The following TRMT1L variants were observed in gnomAD, a reference collection of about 807,000 sequenced individuals.
TRMT1L encodes tRNA (guanine(27)-N(2))-dimethyltransferase.
Under a neutral mutation model 81.6 loss-of-function variants are expected in TRMT1L, and 28 were observed. That is an observed-to-expected ratio of 0.34 (90% CI 0.25 to 0.47). The LOEUF (loss-of-function observed/expected upper bound fraction) is 0.47, where lower values mean the gene tolerates loss of function less well. TRMT1L is among the 20% of genes least tolerant of loss of function. The probability of loss-of-function intolerance (pLI) is 1.00; values close to 1 mark genes in which losing one functional copy is unlikely to be tolerated. For missense variants in TRMT1L, 739 were observed against 877.1 expected (o/e 0.84, Z 1.99); for synonymous variants, 301 against 303.2 (o/e 0.99, Z 0.07).
chr1:185,155,506 A>T (rs1240698037), intron 1 of TRMT1L, among the ~76,000 whole-genome samples: 3 of 152,246 alleles, frequency 2.0e-5, no homozygotes, highest in Non-Finnish European at 2.9e-5. Context: ...GTTGTTTCAA[A>T]ACTGCAAAAT....
chr1:185,140,000 AG>A lies in TRMT1L; in HGVS notation c.1081del (p.Leu361Ter). 6.8e-6 allele frequency: 11 copies of A among 1,612,478 alleles called. No homozygotes were observed. Among genetic ancestry groups the A allele is most frequent in the Non-Finnish European group, 9.3e-6 (11 of 1,179,204 alleles). On this transcript the variant is annotated frameshift_variant, in exon 8 of 15. Coordinates refer to ENST00000367506, the MANE Select transcript of TRMT1L (RefSeq NM_030934.5). LOFTEE classifies it high-confidence loss of function. ...GAAATCAAAAGATCTCAAATGCATC[AG>A]TACATTGGCATCCATTTTGGTCACC... ...IKVTKMDANVLMHLRSFDFIH... is the reference protein window; with the variant it reads ...IKVTKMDANVXMHLRSFDFIH...
chr1:185,124,136 A>T (rs1319177074), intron 12 of TRMT1L, among the ~76,000 whole-genome samples: 1 of 39,896 alleles, frequency 2.5e-5, no homozygotes, highest in African/African-American at 3.1e-4. Context: ...CAATAGGCTC[A>T]TATCAATAGT....
At chr1:185,154,294 A>T (rs1419864072) in intron 1 of TRMT1L, among the ~76,000 whole-genome samples, 1 of 152,212 alleles carries the variant, frequency 6.6e-6, no homozygotes, top group Non-Finnish European at 1.5e-5. Context: ...CCTGGGCTCA[A>T]GCAATCCTCC....
At chr1:185,136,843 TA>T in intron 10 of TRMT1L, among the ~76,000 whole-genome samples, 1 of 152,208 alleles carries the variant, frequency 6.6e-6, no homozygotes, top group South Asian at 2.1e-4. Flanking sequence ...ATAAAGAAGG[TA>T]TTCTCAAATC....
intron 10 of TRMT1L, 60 bp from the exon 11 acceptor site, chr1:185,128,807 A>T: frequency 1.5e-6 from 2 of 1,330,634 alleles, no homozygotes; most frequent in African/African-American, 1.5e-5. Context: ...AATAGTAGTA[A>T]TTGTTATATT....
At chr1:185,138,254 A>G (rs912505645) in intron 9 of TRMT1L, among the ~76,000 whole-genome samples, 6 of 152,196 alleles carry the variant, frequency 3.9e-5, no homozygotes, top group African/African-American at 1.4e-4. Context: ...CATTAATTTC[A>G]CAGACTTTTT....
chr1:185,150,309 A>G, intron 3 of TRMT1L, 70 bp downstream of exon 3: 1 of 1,114,948 alleles, frequency 9.0e-7, no homozygotes, highest in Non-Finnish European at 1.3e-6. Flanking sequence ...CTCATGATAA[A>G]AATGCCAAAA....
In TRMT1L at chr1:185,125,124, A is replaced by C. The variant is rs1026262764; in HGVS notation, c.1593-14T>G. 8 of 1,589,298 alleles carry C rather than the reference A, an allele frequency of 5.0e-6. No individual in the cohort carries two copies. The African/African-American group carries it at 1.1e-4, about 21-fold the overall frequency. On this transcript the variant is annotated splice_polypyrimidine_tract_variant and intron_variant, in intron 11 of 14. Coordinates refer to ENST00000367506, the MANE Select transcript of TRMT1L (RefSeq NM_030934.5). ...AGGGAACTTGACCTGAAAAGAAAAG[A>C]ATATACAGAGAACTGGGTTTGAAAA...
Position 185,120,497 on chromosome 1 carries a change from C to A in TRMT1L, c.1835G>T (p.Ser612Ile). 6.3e-7 allele frequency: 1 copy of A among 1,582,652 alleles called. No individual in the cohort carries two copies. The highest frequency in any genetic ancestry group is 8.6e-7 in the Non-Finnish European group (1 of 1,168,778). The change falls in exon 14 of 15, where the codon AGT (serine) becomes ATT (isoleucine). Residue 612 changes from serine (S) to isoleucine (I), a missense_variant. By Grantham distance (142) the Ser-to-Ile change is moderately radical. This residue lies in a region of TRMT1L where 196 missense variants were observed against 232.6 expected (regional missense o/e 0.84). Coordinates refer to ENST00000367506, the MANE Select transcript of TRMT1L (RefSeq NM_030934.5). ...DNYIAQGKRK[S>I]NEMITNLGKK... ...GCCTAAATTTGTGATCATTTCATTA[C>A]TTTTTCTCTTTCCTGCAACATACAC...
At chr1:185,139,015 T>TG (rs1452344205) in intron 9 of TRMT1L, among the ~76,000 whole-genome samples, 1 of 152,184 alleles carries the variant, frequency 6.6e-6, no homozygotes, top group Non-Finnish European at 1.5e-5. Flanking sequence ...TGTTTCATCC[T>TG]GGGCAACATG....
At chr1:185,152,812 G>A (rs1398456082) in intron 1 of TRMT1L, among the ~76,000 whole-genome samples, 2 of 152,112 alleles carry the variant, frequency 1.3e-5, no homozygotes, top group Non-Finnish European at 2.9e-5. Context: ...GAAAGGAAGG[G>A]GAAAAGAGAA....
intron 13 of TRMT1L, 120 bp from the exon 14 acceptor site, chr1:185,120,629 C>T (rs1652476685): frequency 1.1e-6 from 1 of 871,810 alleles, no homozygotes; most frequent in Non-Finnish European, 1.5e-6. Context: ...ACTATCCAAT[C>T]TTAATTCTTA....
At position 185,119,425 on chromosome 1, in the gene TRMT1L, T is replaced by C. The variant is rs1652441087; in HGVS notation, c.*594A>G. 6.6e-6 allele frequency: 1 copy of C among 152,196 alleles called. No individual in the cohort carries two copies. Among genetic ancestry groups the C allele is most frequent in the South Asian group, 2.1e-4 (1 of 4,832 alleles). The allele number at this position is 152,196 out of a possible 1,614,324, so 9.4% of individuals were successfully genotyped here. On this transcript the variant is annotated 3_prime_UTR_variant, in exon 15 of 15. Transcript: ENST00000367506. ...ACCTTAAAGTTACAAAAATAAAGTA[T>C]TTCTATCTCAGGCAAGTATTTAATT...
At chr1:185,152,641 G>A (rs1263413264) in intron 1 of TRMT1L, among the ~76,000 whole-genome samples, 1 of 152,088 alleles carries the variant, frequency 6.6e-6, no homozygotes. Context: ...AATTAGCAAT[G>A]GGAAGGGACA....
chr1:185,142,533 T>C (rs914334973), intron 7 of TRMT1L, among the ~76,000 whole-genome samples: 5 of 152,194 alleles, frequency 3.3e-5, no homozygotes, highest in African/African-American at 9.6e-5. Context: ...ATATTCTCAA[T>C]GTTTAAAATT....
chr1:185,121,402 G>A (rs181587300), intron 13 of TRMT1L, among the ~76,000 whole-genome samples: 4 of 151,784 alleles, frequency 2.6e-5, no homozygotes, highest in African/African-American at 7.2e-5. Flanking sequence ...GAGCCTAGGA[G>A]TTTGAGTCTA....
intron 12 of TRMT1L, 132 bp downstream of exon 12, chr1:185,124,812 T>C (rs1348146427): frequency 1.2e-6 from 1 of 826,694 alleles, no homozygotes; most frequent in Non-Finnish European, 1.8e-6. Flanking sequence ...ATCAGACTCA[T>C]TAGAGAAGAT....
chr1:185,142,590 CAA>C (rs1557990280), intron 7 of TRMT1L, among the ~76,000 whole-genome samples: 2 of 145,052 alleles, frequency 1.4e-5, no homozygotes, highest in Non-Finnish European at 3.0e-5. Flanking sequence ...CATCACAACA[CAA>C]AAAAAGAGAC....
chr1:185,147,461 T>C (rs1372370657), intron 3 of TRMT1L, among the ~76,000 whole-genome samples: 1 of 152,308 alleles, frequency 6.6e-6, no homozygotes, highest in East Asian at 1.9e-4. Context: ...TATACACAAA[T>C]ACAGAGGGAT....
Sources: allele counts gnomAD v4.1 joint callset (sites outside exome capture counted in the v4.1 genomes callset), GRCh38; gene constraint gnomAD v4.1.1; regional missense constraint gnomAD v4.1.1; transcripts MANE v1.5; gene names NCBI Gene and HGNC (gene_info 2026-07-23, HGNC 2026-07-21).